The following ANO2 variants were observed in gnomAD, a reference collection of about 807,000 sequenced individuals.
ANO2 encodes anoctamin 2.
A neutral mutation model predicts 124.2 loss-of-function variants in ANO2; 101 were observed. That is an observed-to-expected ratio of 0.81 (90% CI 0.69 to 0.96). ANO2 has a LOEUF of 0.96. Ranked by LOEUF, ANO2 falls within the 40% of genes least tolerant of loss-of-function variation. ANO2 has a pLI of 0.00. For missense variants in ANO2, 1,293 were observed against 1,274.5 expected, an observed-to-expected ratio of 1.01 and a Z score of -0.22; for synonymous variants, 486 against 482.5, an observed-to-expected ratio of 1.01 and a Z score of -0.09.
chr12:5,750,894 C>T lies in ANO2; in HGVS notation c.1132G>A (p.Val378Ile), dbSNP rs1309012193. 6 of 1,612,430 alleles carry T rather than the reference C, an allele frequency of 3.7e-6. No homozygotes were observed. In the South Asian group the frequency reaches 5.5e-5, roughly 15 times the overall value. Residue 378 changes from valine to isoleucine, a missense_variant, in exon 11 of 25, where the codon GTA (valine) becomes ATA (isoleucine). Coordinates refer to ENST00000682330, the MANE Select transcript of ANO2 (RefSeq NM_001364791.2). ...LYTSFLIPSSVIGVIVFLYGC... is the reference protein window; with the variant it reads ...LYTSFLIPSSIIGVIVFLYGC... Reference sequence around the variant, plus strand: ...TAAAGAAACACAATCACTCCAATTACAGAAGATGGGATGAGGAATGATGTA... The same window carrying T: ...TAAAGAAACACAATCACTCCAATTATAGAAGATGGGATGAGGAATGATGTA...
chr12:5,644,293 T>C (rs572364637), intron 15 of ANO2, among the ~76,000 whole-genome samples: 88 of 152,356 alleles, frequency 5.8e-4, no homozygotes, highest in African/African-American at 1.9e-3. Flanking sequence ...TCCCCACTTA[T>C]ATGCAGTGCC....
Position 5,563,311 on chromosome 12 carries a change from G to A in ANO2, c.2985C>T (p.His995=), listed in dbSNP as rs374397915. Residue 995 remains histidine, a synonymous_variant, in exon 25 of 25, where the codon CAC becomes CAT. Transcript: ENST00000682330. ...CAGGCTGAACTGCTCACACATTGGTGTGCTGAGAGCCTGACGACATCATGC... is the reference window on the plus strand; with the variant it reads ...CAGGCTGAACTGCTCACACATTGGTATGCTGAGAGCCTGACGACATCATGC... ...LGSMMSSGSQ[H]TNV The A allele has an allele frequency of 1.9e-6, 3 of 1,599,278 alleles. No individual in the cohort carries two copies. In the African/African-American group the frequency reaches 4.0e-5, roughly 21 times the overall value.
chr12:5,800,147 G>T (rs1047177049), intron 9 of ANO2, among the ~76,000 whole-genome samples: 1 of 152,180 alleles, frequency 6.6e-6, no homozygotes, highest in African/African-American at 2.4e-5. Context: ...CACAAAGGAA[G>T]GGGGGAGGGT....
At chr12:5,626,196 G>C (rs1487206069) in intron 16 of ANO2, among the ~76,000 whole-genome samples, 1 of 152,100 alleles carries the variant, frequency 6.6e-6, no homozygotes, top group East Asian at 1.9e-4. Flanking sequence ...AGGTGAAATA[G>C]GCAATCACAG....
At chr12:5,746,883 C>A (rs1231531996) in intron 11 of ANO2, among the ~76,000 whole-genome samples, 1 of 152,154 alleles carries the variant, frequency 6.6e-6, no homozygotes, top group Non-Finnish European at 1.5e-5. Context: ...TCCTAGTGTT[C>A]TCTGTTCATG....
chr12:5,687,536 G>A (rs1948755823), intron 14 of ANO2, among the ~76,000 whole-genome samples: 1 of 152,248 alleles, frequency 6.6e-6, no homozygotes. Flanking sequence ...GTGGGGTCCT[G>A]ATGGAGGCTT....
intron 10 of ANO2, among the ~76,000 whole-genome samples, chr12:5,781,195 G>A (rs1462413994): frequency 6.6e-6 from 1 of 152,198 alleles, no homozygotes; most frequent in South Asian, 2.1e-4. Flanking sequence ...GTCAAAAATT[G>A]ATTTTTATGG....
At chr12:5,650,678 C>T (rs1347634455) in intron 14 of ANO2, among the ~76,000 whole-genome samples, 2 of 152,184 alleles carry the variant, frequency 1.3e-5, no homozygotes, top group Admixed American at 6.5e-5. Flanking sequence ...TTTAAATATA[C>T]TCTGCTTAAA....
rs1041216830 is a variant in ANO2 at position 5,575,056 on chromosome 12, C to T, written c.2621+778G>A. ...CCCCACCCCATGACTTTGCCCATGA[C>T]GACTCCCCACCTAGAATGTTTTTCT... On this transcript the variant is annotated intron_variant, in intron 23 of 24. Coordinates refer to ENST00000682330, the MANE Select transcript of ANO2 (RefSeq NM_001364791.2). 3.9e-5 allele frequency among the ~76,000 whole-genome samples: 6 copies of T among 152,242 alleles called. No individual in the cohort carries two copies. The East Asian group carries it at 7.7e-4, about 20-fold the overall frequency.
At chr12:5,793,400 A>C (rs1007033939) in intron 10 of ANO2, among the ~76,000 whole-genome samples, 5 of 152,158 alleles carry the variant, frequency 3.3e-5, no homozygotes, top group African/African-American at 1.2e-4. Context: ...TCTAAGCTTC[A>C]TTTGCCTCTG....
In ANO2 at chr12:5,627,967, G is replaced by T. The variant is rs775845903; in HGVS notation, c.1816+7185C>A. ...AAAAAAAAATTAGCCAGATGCTGTG[G>T]CACACACCAGTAGTCCCAGCTACTC... On this transcript the variant is annotated intron_variant, in intron 16 of 24. Coordinates refer to ENST00000682330, the MANE Select transcript of ANO2 (RefSeq NM_001364791.2). Among the ~76,000 whole-genome samples the T allele has an allele frequency of 2.6e-5, 4 of 152,160 alleles. No individual in the cohort carries two copies. The South Asian group carries it at 6.2e-4, about 24-fold the overall frequency.
chr12:5,914,383 T>C (rs79826194), intron 3 of ANO2, among the ~76,000 whole-genome samples: 162 of 149,742 alleles, frequency 1.1e-3, no homozygotes, highest in Non-Finnish European at 1.9e-3. Flanking sequence ...GGGTGAGGAG[T>C]CAGGGGTCAG....
chr12:5,569,901 TA>T (rs1406904519), intron 23 of ANO2, among the ~76,000 whole-genome samples: 3 of 152,216 alleles, frequency 2.0e-5, no homozygotes, highest in African/African-American at 7.2e-5. Context: ...TCTTCTTATA[TA>T]CATACACAAT....
At chr12:5,707,512 G>A (rs184259790) in intron 14 of ANO2, among the ~76,000 whole-genome samples, 1 of 118,050 alleles carries the variant, frequency 8.5e-6, no homozygotes, top group East Asian at 2.1e-4. Flanking sequence ...CCTTTATAGA[G>A]AGGAGAAGTT....
intron 3 of ANO2, among the ~76,000 whole-genome samples, chr12:5,917,491 C>T (rs1054211775): frequency 6.6e-6 from 1 of 150,904 alleles, no homozygotes; most frequent in African/African-American, 2.4e-5. Context: ...GTTCTAGGTA[C>T]TTTATTTAGT....
At chr12:5,849,506 G>A (rs1246968357) in intron 4 of ANO2, among the ~76,000 whole-genome samples, 4 of 152,194 alleles carry the variant, frequency 2.6e-5, no homozygotes, top group Non-Finnish European at 4.4e-5. Context: ...AGGCTGCTCG[G>A]GGCCAAAGGC....
At chr12:5,754,640 G>C (rs1294136385) in intron 10 of ANO2, among the ~76,000 whole-genome samples, 1 of 151,964 alleles carries the variant, frequency 6.6e-6, no homozygotes. Flanking sequence ...GTCTGTACAG[G>C]CTTCCTATTT....
chr12:5,712,096 C>T (rs1949839718), intron 14 of ANO2, among the ~76,000 whole-genome samples: 1 of 152,132 alleles, frequency 6.6e-6, no homozygotes, highest in African/African-American at 2.4e-5. Flanking sequence ...CAAACAGAAG[C>T]TCTCAAAGAT....
intron 14 of ANO2, among the ~76,000 whole-genome samples, chr12:5,701,009 A>G (rs976533298): frequency 1.3e-5 from 2 of 150,084 alleles, no homozygotes; most frequent in African/African-American, 4.9e-5. Flanking sequence ...GATGCTCCCA[A>G]ATCCATCCGT....
Sources: gnomAD v4.1 joint callset for allele counts (sites outside exome capture counted in the v4.1 genomes callset) on GRCh38, gnomAD v4.1.1 for gene constraint, MANE v1.5 for transcripts, NCBI Gene and HGNC (gene_info 2026-07-23, HGNC 2026-07-21) for gene names.